The following FAM135A variants were observed in gnomAD, a reference collection of about 807,000 sequenced individuals.
The protein encoded by FAM135A is protein FAM135A.
In FAM135A, 79 loss-of-function variants were observed where a neutral mutation model predicts 146.8. The observed-to-expected ratio is 0.54, with a 90% CI of 0.45 to 0.65. The LOEUF is 0.65. Ranked by LOEUF, FAM135A falls within the 30% of genes least tolerant of loss-of-function variation. The probability of loss-of-function intolerance (pLI) is 0.00; values close to 1 mark genes in which losing one functional copy is unlikely to be tolerated. For synonymous variants in FAM135A, 562 were observed against 603.6 expected (o/e 0.93, Z 1.01); for missense variants, 1,623 against 1,758.2 (o/e 0.92, Z 1.38).
chr6:70,560,010 T>C lies in FAM135A; in HGVS notation c.*89T>C. ...TATTAAAATGTAGATGCTGATAAGT[T>C]CTAAGAAATATTTATACCTTTTTAT... On this transcript the variant is annotated 3_prime_UTR_variant, in exon 22 of 22. Transcript: ENST00000418814. 1 of 1,041,114 alleles carries C rather than the reference T, an allele frequency of 9.6e-7. No homozygotes were observed. Among genetic ancestry groups the C allele is most frequent in the South Asian group, 1.7e-5 (1 of 60,432 alleles). 64.5% of individuals were successfully genotyped at this position (1,041,114 alleles called of 1,614,324 possible).
chr6:70,533,589 C>T (rs1796229466), intron 17 of FAM135A, among the ~76,000 whole-genome samples, 168 bp from the exon 18 acceptor site: 1 of 152,080 alleles, frequency 6.6e-6, no homozygotes, highest in South Asian at 2.1e-4. Context: ...TAGAAATTTA[C>T]TCTCTTTGCT....
intron 4 of FAM135A, among the ~76,000 whole-genome samples, chr6:70,435,346 C>T (rs1582079786): frequency 6.6e-6 from 1 of 151,854 alleles, no homozygotes; most frequent in Admixed American, 6.6e-5. Context: ...CTTAGGTGAT[C>T]CGCCCTCCTC....
At chr6:70,510,269 G>A (rs573495136) in intron 12 of FAM135A, among the ~76,000 whole-genome samples, 1 of 150,430 alleles carries the variant, frequency 6.6e-6, no homozygotes, top group African/African-American at 2.4e-5. Flanking sequence ...GGCGGGTGGG[G>A]ATAACAAATT....
intron 18 of FAM135A, among the ~76,000 whole-genome samples, chr6:70,535,165 C>T (rs1259015056): frequency 6.6e-6 from 1 of 152,050 alleles, no homozygotes; most frequent in East Asian, 1.9e-4. Flanking sequence ...TCAGAATTCC[C>T]ACCCCCACTA....
chr6:70,519,916 A>T (rs938661701), intron 12 of FAM135A, among the ~76,000 whole-genome samples: 1 of 151,992 alleles, frequency 6.6e-6, no homozygotes, highest in Non-Finnish European at 1.5e-5. Context: ...TATGATATAT[A>T]TGATAATAAT....
Position 70,526,574 on chromosome 6 carries a change from T to C in FAM135A, c.3490T>C (p.Cys1164Arg). Residue 1164 changes from cysteine to arginine, a missense_variant, in exon 15 of 22, where the codon TGT (cysteine) becomes CGT (arginine). This residue lies in a region of FAM135A where 1,061 missense variants were observed against 1,113.8 expected (regional missense o/e 0.95). Transcript: ENST00000418814. ...CCCGTCTGCACCACGAGAGTCTCCT[T>C]GTAATGTTAAATATTCTTCCAAAAG... is the stretch of plus-strand genomic sequence containing the variant. ...SFPSAPRESP[C>R]NVKYSSKSKF... is the part of the protein sequence containing the mutation. 1 of 1,613,708 alleles carries C rather than the reference T, an allele frequency of 6.2e-7. No homozygotes were observed. Among genetic ancestry groups the C allele is most frequent in the Middle Eastern group, 1.6e-4 (1 of 6,062 alleles).
intron 12 of FAM135A, among the ~76,000 whole-genome samples, chr6:70,519,010 A>T (rs1338987967): frequency 1.3e-5 from 2 of 152,230 alleles, no homozygotes; most frequent in Non-Finnish European, 2.9e-5. Flanking sequence ...CCAGATGGTG[A>T]TTCCTCTGGT....
intron 5 of FAM135A, among the ~76,000 whole-genome samples, chr6:70,468,023 C>G (rs765319017): frequency 6.6e-6 from 1 of 152,096 alleles, no homozygotes; most frequent in Non-Finnish European, 1.5e-5. Context: ...GGGGACTTGT[C>G]TGAGCCTCAT....
intron 8 of FAM135A, 35 bp from the exon 9 acceptor site, chr6:70,480,866 G>T: frequency 1.3e-6 from 2 of 1,580,422 alleles, no homozygotes; most frequent in Non-Finnish European, 1.7e-6. Context: ...AAATAGACTC[G>T]TATGACAATA....
intron 2 of FAM135A, among the ~76,000 whole-genome samples, 174 bp downstream of exon 2, chr6:70,415,550 T>C (rs1767377909): frequency 6.6e-6 from 1 of 152,208 alleles, no homozygotes; most frequent in Non-Finnish European, 1.5e-5. Flanking sequence ...GATGCACTCA[T>C]CAGCTTTTAA....
rs73478818 is a variant in FAM135A at position 70,472,782 on chromosome 6, G to C, written c.158-2628G>C. On this transcript the variant is annotated intron_variant, in intron 5 of 21. Coordinates refer to ENST00000418814, the MANE Select transcript of FAM135A (RefSeq NM_001162529.3). ...CTGTTATTTTTTAGAGTGTTCTTCA[G>C]TTTGCATGGGTTTACAATTTCGTCA... Among the ~76,000 whole-genome samples, 620 of 152,218 alleles carry C rather than the reference G, an allele frequency of 4.1e-3. 3 individuals carry two copies. The highest frequency in any genetic ancestry group is 0.014 in the African/African-American group (600 of 41,544).
chr6:70,455,017 G>C (rs1778009420), intron 5 of FAM135A, among the ~76,000 whole-genome samples: 1 of 152,028 alleles, frequency 6.6e-6, no homozygotes, highest in Non-Finnish European at 1.5e-5. Context: ...AAATTACCTT[G>C]GGCAGTATGG....
intron 12 of FAM135A, among the ~76,000 whole-genome samples, chr6:70,508,105 G>C (rs1276631457): frequency 6.6e-6 from 1 of 152,116 alleles, no homozygotes; most frequent in Non-Finnish European, 1.5e-5. Flanking sequence ...CTAGTGGATT[G>C]CAATACAGGA....
intron 2 of FAM135A, among the ~76,000 whole-genome samples, chr6:70,425,742 TGC>T (rs1208629335): frequency 6.6e-6 from 1 of 152,246 alleles, no homozygotes; most frequent in African/African-American, 2.4e-5. Flanking sequence ...TATGCATACA[TGC>T]ACACACATAC....
intron 2 of FAM135A, among the ~76,000 whole-genome samples, chr6:70,421,896 GCTT>G (rs1198130186): frequency 1.3e-5 from 2 of 152,174 alleles, no homozygotes; most frequent in African/African-American, 2.4e-5. Flanking sequence ...GAAACTCTTA[GCTT>G]CTTGTAGATA....
In FAM135A at chr6:70,507,844, A is replaced by C. The variant is rs571857913; in HGVS notation, c.1029+5053A>C. Among the ~76,000 whole-genome samples the C allele has an allele frequency of 5.3e-5, 8 of 152,130 alleles. No homozygotes were observed. In the South Asian group the frequency reaches 1.7e-3, roughly 31 times the overall value. On this transcript the variant is annotated intron_variant, in intron 12 of 21. Transcript: ENST00000418814. ...ATTTCAAACTAAAATGGAATGATCAAGTGGGACAGTTTACACAAAAAGCAA... is the reference window on the plus strand; with the variant it reads ...ATTTCAAACTAAAATGGAATGATCACGTGGGACAGTTTACACAAAAAGCAA...
At chr6:70,545,767 C>G (rs1261116075) in intron 20 of FAM135A, among the ~76,000 whole-genome samples, 1 of 152,176 alleles carries the variant, frequency 6.6e-6, no homozygotes, top group Middle Eastern at 3.2e-3. Context: ...ATTTAACCCT[C>G]TAGGGTAGGA....
chr6:70,518,256 C>G (rs975232149), intron 12 of FAM135A, among the ~76,000 whole-genome samples: 2 of 152,084 alleles, frequency 1.3e-5, no homozygotes, highest in Non-Finnish European at 1.5e-5. Context: ...TAAGTCAAAG[C>G]CTAATCCACA....
At chr6:70,466,210 T>C (rs143147680) in intron 5 of FAM135A, among the ~76,000 whole-genome samples, 1 of 152,306 alleles carries the variant, frequency 6.6e-6, no homozygotes, top group African/African-American at 2.4e-5. Context: ...CACAGTATTT[T>C]ATTAAATAAT....
Sources: gnomAD v4.1 joint callset for allele counts (sites outside exome capture counted in the v4.1 genomes callset) on GRCh38, gnomAD v4.1.1 for gene constraint, gnomAD v4.1.1 regional missense constraint, MANE v1.5 for transcripts, NCBI Gene and HGNC (gene_info 2026-07-23, HGNC 2026-07-21) for gene names.